BNC2: variants seen among roughly 807,000 people sequenced by gnomAD.
BNC2 encodes basonuclin zinc finger protein 2.
In BNC2, 20 loss-of-function variants were observed where a neutral mutation model predicts 76.3. That is an observed-to-expected ratio of 0.26 (90% CI 0.18 to 0.38). The LOEUF is 0.38. Ranked by LOEUF, BNC2 falls within the 10% of genes least tolerant of loss-of-function variation. The pLI, the probability that BNC2 is intolerant of heterozygous loss-of-function variation, is 1.00. For synonymous variants in BNC2, 582 were observed against 514.8 expected (o/e 1.13, Z -1.77); for missense variants, 1,382 against 1,399.8 (o/e 0.99, Z 0.20).
intron 5 of BNC2, among the ~76,000 whole-genome samples, chr9:16,510,469 T>C (rs931115294): frequency 6.6e-6 from 1 of 152,236 alleles, no homozygotes; most frequent in Non-Finnish European, 1.5e-5. Context: ...CACGTACTCT[T>C]TCTTCTTTCG....
intron 3 of BNC2, among the ~76,000 whole-genome samples, chr9:16,705,653 T>TG (rs760094166): frequency 1.8e-5 from 2 of 110,960 alleles, no homozygotes; most frequent in Non-Finnish European, 2.3e-5. Context: ...TAGTGTGGCT[T>TG]GGGTTTTTTT....
chr9:16,682,056 T>A (rs938937808), intron 3 of BNC2, among the ~76,000 whole-genome samples: 7 of 152,102 alleles, frequency 4.6e-5, no homozygotes, highest in Admixed American at 6.5e-5. Flanking sequence ...AGTGAACTTT[T>A]ATTTGGGGGG....
rs1239501603 is a variant in BNC2, at chr9:16,420,702, T to TA, written c.2640-1054_2640-1053insT. On this transcript the variant is annotated intron_variant, in intron 6 of 6. Coordinates refer to ENST00000380672, the MANE Select transcript of BNC2 (RefSeq NM_017637.6). ...ATATACATACACATATACATATTTT[T>TA]TTACATATATATATATAAAGACAGG... 5.4e-3 allele frequency among the ~76,000 whole-genome samples: 735 copies of TA among 136,278 alleles called. 2 individuals carry two copies. Among genetic ancestry groups the TA allele is most frequent in the Middle Eastern group, 0.022 (6 of 274 alleles). 89.4% of individuals were successfully genotyped at this position (136,278 alleles called of 152,430 possible).
At chr9:16,589,226 C>T (rs1182566634) in intron 3 of BNC2, among the ~76,000 whole-genome samples, 1 of 152,136 alleles carries the variant, frequency 6.6e-6, no homozygotes, top group Non-Finnish European at 1.5e-5. Flanking sequence ...CGCTCTGTTA[C>T]CGAGGCTGGA....
chr9:16,624,168 T>C (rs1435639765), intron 3 of BNC2, among the ~76,000 whole-genome samples: 1 of 152,226 alleles, frequency 6.6e-6, no homozygotes, highest in African/African-American at 2.4e-5. Context: ...GGGCATGGTC[T>C]CTTCATGTGT....
intron 1 of BNC2, among the ~76,000 whole-genome samples, chr9:16,796,996 G>C (rs1053473787): frequency 6.6e-6 from 1 of 152,074 alleles, no homozygotes; most frequent in Non-Finnish European, 1.5e-5. Flanking sequence ...CTTTTGTTAA[G>C]GTAGCTACCT....
chr9:16,571,211 T>G (rs74695120), intron 4 of BNC2, among the ~76,000 whole-genome samples: 1 of 152,166 alleles, frequency 6.6e-6, no homozygotes, highest in Non-Finnish European at 1.5e-5. Context: ...AAGGGCTTCT[T>G]AATAGCTTTT....
chr9:16,773,636 C>T (rs1015432851), intron 1 of BNC2, among the ~76,000 whole-genome samples: 3 of 151,998 alleles, frequency 2.0e-5, no homozygotes, highest in African/African-American at 7.3e-5. Flanking sequence ...AGGGGCTTGT[C>T]GCTACAGTAA....
At chr9:16,459,995 G>T (rs114256867) in intron 5 of BNC2, among the ~76,000 whole-genome samples, 1,597 of 152,248 alleles carry the variant, frequency 0.01, 21 homozygotes, top group Middle Eastern at 0.031. Context: ...CAAGTGAGTA[G>T]ACTGTTGTCA....
intron 5 of BNC2, among the ~76,000 whole-genome samples, chr9:16,492,586 T>C (rs1822301038): frequency 6.6e-6 from 1 of 152,146 alleles, no homozygotes; most frequent in African/African-American, 2.4e-5. Flanking sequence ...ACCTGGCAGG[T>C]TGTAAAGGTG....
At chr9:16,623,801 T>C (rs80163953) in intron 3 of BNC2, among the ~76,000 whole-genome samples, 43 of 152,260 alleles carry the variant, frequency 2.8e-4, no homozygotes, top group African/African-American at 1.0e-3. Context: ...TTGAGATCTA[T>C]CAGTAGCAGG....
At chr9:16,429,987 C>T (rs1030576218) in intron 6 of BNC2, 4 of 514,506 alleles carry the variant, frequency 7.8e-6, no homozygotes, top group South Asian at 1.4e-5. Context: ...GCTCATTGCT[C>T]TTCTCCCAGT....
intron 1 of BNC2, among the ~76,000 whole-genome samples, chr9:16,823,534 C>G (rs1014526801): frequency 1.0e-4 from 15 of 150,672 alleles, no homozygotes; most frequent in Non-Finnish European, 1.9e-4. Flanking sequence ...GCCTGGGAGG[C>G]AGAGGTTGCA....
At chr9:16,870,257 C>A (rs1819646401) in intron 1 of BNC2, among the ~76,000 whole-genome samples, 1 of 152,154 alleles carries the variant, frequency 6.6e-6, no homozygotes, top group African/African-American at 2.4e-5. Flanking sequence ...GAGCTCCTGC[C>A]AGCGCTCCAT....
intron 5 of BNC2, among the ~76,000 whole-genome samples, chr9:16,545,711 C>T (rs954684011): frequency 2.0e-5 from 3 of 152,172 alleles, no homozygotes; most frequent in Non-Finnish European, 4.4e-5. Context: ...GTCACATGGC[C>T]TCATTTACAA....
intron 3 of BNC2, among the ~76,000 whole-genome samples, chr9:16,694,922 G>C (rs1455628891): frequency 1.3e-5 from 2 of 152,170 alleles, no homozygotes; most frequent in Non-Finnish European, 1.5e-5. Context: ...AGAACTAGGG[G>C]AGATGAAAAG....
chr9:16,460,700 C>T (rs777060712), intron 5 of BNC2, among the ~76,000 whole-genome samples: 1 of 152,004 alleles, frequency 6.6e-6, no homozygotes, highest in Non-Finnish European at 1.5e-5. Flanking sequence ...GCTTCAACAC[C>T]GAGTCTTTTA....
intron 1 of BNC2, among the ~76,000 whole-genome samples, chr9:16,772,711 T>C (rs560565604): frequency 6.5e-4 from 99 of 152,278 alleles, no homozygotes; most frequent in African/African-American, 2.2e-3. Flanking sequence ...GCCCAACAAA[T>C]TGAAGGTGCT....
At chr9:16,530,181 A>T (rs942373222) in intron 5 of BNC2, among the ~76,000 whole-genome samples, 1 of 151,398 alleles carries the variant, frequency 6.6e-6, no homozygotes, top group African/African-American at 2.4e-5. Flanking sequence ...TTTTTTTTTA[A>T]AAAAGCCTTT....
Sources: gnomAD v4.1 joint callset for allele counts (sites outside exome capture counted in the v4.1 genomes callset) on GRCh38, gnomAD v4.1.1 for gene constraint, MANE v1.5 for transcripts, NCBI Gene and HGNC (gene_info 2026-07-23, HGNC 2026-07-21) for gene names.